The following FCHO2 variants were observed in gnomAD, a reference collection of about 807,000 sequenced individuals.
The protein encoded by FCHO2 is F-BAR domain only protein 2.
Under a neutral mutation model 114.1 loss-of-function variants are expected in FCHO2, and 43 were observed. That is an observed-to-expected ratio of 0.38 (90% confidence interval 0.30 to 0.49). FCHO2 has a LOEUF of 0.49. Ranked by LOEUF, FCHO2 falls within the 20% of genes least tolerant of loss-of-function variation. FCHO2 has a pLI of 0.97. For synonymous variants in FCHO2, 293 were observed against 315.2 expected, an observed-to-expected ratio of 0.93 and a Z score of 0.75; for missense variants, 807 against 950.4, an observed-to-expected ratio of 0.85 and a Z score of 1.98.
At chr5:72,960,675 T>C (rs1751808037) in intron 1 of FCHO2, among the ~76,000 whole-genome samples, 1 of 152,168 alleles carries the variant, frequency 6.6e-6, no homozygotes, top group Admixed American at 6.5e-5. Context: ...AACATTGCTA[T>C]GTAATAATTA....
intron 20 of FCHO2, among the ~76,000 whole-genome samples, chr5:73,076,115 C>A (rs569147584): frequency 1.3e-5 from 2 of 152,028 alleles, no homozygotes; most frequent in South Asian, 4.2e-4. Flanking sequence ...CCAATAGACC[C>A]GTGTCTAGAA....
intron 9 of FCHO2, among the ~76,000 whole-genome samples, chr5:73,036,623 G>T (rs529911070): frequency 6.6e-6 from 1 of 151,624 alleles, no homozygotes; most frequent in Admixed American, 6.6e-5. Flanking sequence ...TGATCTGTCC[G>T]CTTTGGCCTT....
chr5:72,989,294 A>T (rs1431849930), intron 2 of FCHO2, 133 bp from the exon 3 acceptor site: 5 of 639,042 alleles, frequency 7.8e-6, no homozygotes, highest in Non-Finnish European at 1.4e-5. Flanking sequence ...TCATGACTAC[A>T]TATATGTACT....
chr5:73,059,591 G>A (rs528431098), intron 17 of FCHO2, among the ~76,000 whole-genome samples: 3 of 151,944 alleles, frequency 2.0e-5, no homozygotes, highest in Admixed American at 6.6e-5. Flanking sequence ...AAATTAGACC[G>A]TTTAGCAACA....
intron 2 of FCHO2, among the ~76,000 whole-genome samples, chr5:72,973,013 TG>T (rs1302513804): frequency 6.6e-6 from 1 of 152,242 alleles, no homozygotes; most frequent in Non-Finnish European, 1.5e-5. Flanking sequence ...TTTATTGATT[TG>T]CGTATATTGA....
In FCHO2 at chr5:73,030,103, A is replaced by G. The variant is rs112264488; in HGVS notation, c.797-4554A>G. Among the ~76,000 whole-genome samples, 799 of 148,810 alleles carry G rather than the reference A, an allele frequency of 5.4e-3. 8 individuals carry two copies. Among genetic ancestry groups the G allele is most frequent in the African/African-American group, 0.019 (757 of 40,216 alleles). ...GTCACCCAAGCTGGAGTGTAGTGAC[A>G]TGATCTTGGCTCACTGCAACCTCCG... On this transcript the variant is annotated intron_variant, in intron 8 of 25. Coordinates refer to ENST00000430046, the MANE Select transcript of FCHO2 (RefSeq NM_138782.3).
At chr5:72,967,565 G>A (rs1383594071) in intron 1 of FCHO2, among the ~76,000 whole-genome samples, 3 of 152,204 alleles carry the variant, frequency 2.0e-5, no homozygotes, top group Admixed American at 6.5e-5. Context: ...TGTTTTGAAA[G>A]GTCCATGTTT....
At position 73,064,031 on chromosome 5, in the gene FCHO2, T is replaced by C. The variant is rs1757958647; in HGVS notation, c.1449+87T>C. The C allele has an allele frequency of 4.0e-6, 5 of 1,262,874 alleles. No individual in the cohort carries two copies. The South Asian group carries it at 5.6e-5, about 14-fold the overall frequency. The allele number at this position is 1,262,874 out of a possible 1,614,324, so 78.2% of individuals were successfully genotyped here. A position where few individuals can be genotyped will look rare whatever the true frequency, so the allele number is the denominator to read the frequency against. ...TTTCTATATGCCCTTTTACAGTTAA[T>C]TGCTTGAAGTTTTCTACCCATGTCC... On this transcript the variant is annotated intron_variant, in intron 18 of 25. Coordinates refer to ENST00000430046, the MANE Select transcript of FCHO2 (RefSeq NM_138782.3).
intron 1 of FCHO2, among the ~76,000 whole-genome samples, chr5:72,966,832 G>T (rs968351015): frequency 1.3e-5 from 2 of 152,220 alleles, no homozygotes; most frequent in Non-Finnish European, 2.9e-5. Context: ...ACTGCTGCCT[G>T]TAAAGAGAGT....
intron 5 of FCHO2, among the ~76,000 whole-genome samples, chr5:72,999,378 CTTTT>C (rs762347449): frequency 5.0e-5 from 5 of 100,558 alleles, no homozygotes; most frequent in Non-Finnish European, 9.3e-5. Context: ...ATTCACAGGC[CTTTT>C]TTTTTTTTTT....
intron 1 of FCHO2, among the ~76,000 whole-genome samples, chr5:72,961,261 CTA>C (rs1751845431): frequency 6.6e-6 from 1 of 152,030 alleles, no homozygotes. Flanking sequence ...AGATGAGAGA[CTA>C]ACACACATTC....
At chr5:72,983,980 G>T (rs1033731047) in intron 2 of FCHO2, among the ~76,000 whole-genome samples, 3 of 152,082 alleles carry the variant, frequency 2.0e-5, no homozygotes, top group African/African-American at 4.8e-5. Flanking sequence ...CAAGGTGGTT[G>T]TATCAGTTTA....
chr5:72,984,964 A>G (rs1383338268), intron 2 of FCHO2, among the ~76,000 whole-genome samples: 1 of 152,040 alleles, frequency 6.6e-6, no homozygotes, highest in Non-Finnish European at 1.5e-5. Context: ...CTTGGTTGAT[A>G]TGCCTTTTGA....
intron 2 of FCHO2, among the ~76,000 whole-genome samples, chr5:72,984,064 T>A (rs1270359641): frequency 6.6e-6 from 1 of 152,178 alleles, no homozygotes. Flanking sequence ...GTCAGTTTTT[T>A]AATTTTAGCT....
intron 2 of FCHO2, among the ~76,000 whole-genome samples, chr5:72,981,643 C>T (rs896930949): frequency 6.6e-6 from 1 of 152,128 alleles, no homozygotes; most frequent in African/African-American, 2.4e-5. Flanking sequence ...TTGTTTGTTC[C>T]TTTTCATTCT....
In FCHO2 at chr5:72,988,986, A is replaced by G. The variant is rs528034112; in HGVS notation, c.126-441A>G. 1.8e-3 allele frequency among the ~76,000 whole-genome samples: 273 copies of G among 152,210 alleles called. 2 individuals are homozygous for G. The highest frequency in any genetic ancestry group is 6.3e-3 in the African/African-American group (262 of 41,532). On this transcript the variant is annotated intron_variant, in intron 2 of 25. Coordinates refer to ENST00000430046, the MANE Select transcript of FCHO2 (RefSeq NM_138782.3). ...CACTTTGGGAGGCCTAGGTGGGAGGATTGCTTGAGCCCTGGAATTCCAGAT... is the reference window on the plus strand; with the variant it reads ...CACTTTGGGAGGCCTAGGTGGGAGGGTTGCTTGAGCCCTGGAATTCCAGAT...
rs115503706 is a variant in FCHO2 at position 73,054,079 on chromosome 5, G to A, written c.1174-81G>A. On this transcript the variant is annotated intron_variant, in intron 13 of 25. Coordinates refer to ENST00000430046, the MANE Select transcript of FCHO2 (RefSeq NM_138782.3). ...TATATAGTTTAGATATGATTGAATA[G>A]GGAATGATAAATTATTACAGCACAA... The A allele has an allele frequency of 8.0e-4, 878 of 1,091,198 alleles. 10 individuals are homozygous for A. The African/African-American group carries it at 0.013, about 16-fold the overall frequency. 67.6% of individuals were successfully genotyped at this position (1,091,198 alleles called of 1,614,324 possible).
intron 1 of FCHO2, among the ~76,000 whole-genome samples, chr5:72,961,594 T>A (rs1751867442): frequency 2.0e-5 from 3 of 151,942 alleles, no homozygotes; most frequent in Admixed American, 2.0e-4. Flanking sequence ...ATTACCAATT[T>A]CTTTCTTTTT....
At chr5:72,997,486 C>T (rs1162972108) in intron 5 of FCHO2, 3 of 1,526,750 alleles carry the variant, frequency 2.0e-6, no homozygotes, top group Non-Finnish European at 2.7e-6. Context: ...CAGGGGTTTA[C>T]AGGAGCCATC....
Sources: allele counts gnomAD v4.1 joint callset (sites outside exome capture counted in the v4.1 genomes callset), GRCh38; gene constraint gnomAD v4.1.1; transcripts MANE v1.5; gene names NCBI Gene and HGNC (gene_info 2026-07-23, HGNC 2026-07-21).